Variants in LDLRAD3 observed in about 807,000 individuals in gnomAD.
LDLRAD3 encodes the protein low-density lipoprotein receptor class A domain-containing protein 3.
In LDLRAD3, 20 loss-of-function variants were observed where a neutral mutation model predicts 29.4. The observed-to-expected ratio is 0.68, with a 90% CI of 0.48 to 0.99. LDLRAD3 has a LOEUF of 0.99. Among genes scored for constraint, LDLRAD3 ranks in the 50% least tolerant of loss-of-function variants. The probability of loss-of-function intolerance (pLI) is 0.00; values close to 1 mark genes in which losing one functional copy is unlikely to be tolerated. For missense variants in LDLRAD3, 420 were observed against 454.3 expected (o/e 0.92, Z 0.69); for synonymous variants, 157 against 192.7 (o/e 0.81, Z 1.53).
chr11:36,225,483 G>A (rs944475412), intron 4 of LDLRAD3, among the ~76,000 whole-genome samples: 1 of 152,098 alleles, frequency 6.6e-6, no homozygotes, highest in Non-Finnish European at 1.5e-5. Context: ...AGGCTATTAT[G>A]ATAGCAACCT....
chr11:36,024,926 C>T (rs570073338), intron 1 of LDLRAD3, among the ~76,000 whole-genome samples: 1 of 152,348 alleles, frequency 6.6e-6, no homozygotes, highest in African/African-American at 2.4e-5. Flanking sequence ...ACTGGCTAGG[C>T]CTTGCTATTT....
chr11:36,181,254 A>G (rs1331885141), intron 4 of LDLRAD3, among the ~76,000 whole-genome samples: 1 of 151,956 alleles, frequency 6.6e-6, no homozygotes, highest in Non-Finnish European at 1.5e-5. Flanking sequence ...AAAATCTAAG[A>G]ATTACAGGAC....
At chr11:36,130,060 G>C (rs1201520215) in intron 4 of LDLRAD3, among the ~76,000 whole-genome samples, 4 of 152,198 alleles carry the variant, frequency 2.6e-5, no homozygotes, top group Non-Finnish European at 5.9e-5. Flanking sequence ...TTGTTGAATG[G>C]ATAGTAATAG....
intron 1 of LDLRAD3, among the ~76,000 whole-genome samples, chr11:35,962,652 A>C (rs1239305150): frequency 2.6e-5 from 4 of 152,188 alleles, no homozygotes; most frequent in Non-Finnish European, 5.9e-5. Flanking sequence ...CCTTTCTCTA[A>C]GCATATTTAG....
chr11:35,996,104 A>G (rs77572962), intron 1 of LDLRAD3, among the ~76,000 whole-genome samples: 2 of 152,222 alleles, frequency 1.3e-5, no homozygotes, highest in South Asian at 2.1e-4. Flanking sequence ...GTTTGGCCCA[A>G]GAGGCCTGGC....
chr11:36,117,233 AGTG>A (rs1184171370), intron 4 of LDLRAD3, among the ~76,000 whole-genome samples: 16 of 152,346 alleles, frequency 1.1e-4, no homozygotes, highest in African/African-American at 2.9e-4. Flanking sequence ...CTCTGAGATC[AGTG>A]ATCCATTCTA....
At chr11:36,054,755 T>TTGGA (rs1257356180) in intron 2 of LDLRAD3, among the ~76,000 whole-genome samples, 1 of 106,312 alleles carries the variant, frequency 9.4e-6, no homozygotes, top group Non-Finnish European at 1.9e-5. Flanking sequence ...GCATGGATGC[T>TTGGA]TGGATGGATG....
At chr11:36,168,498 CTTT>C (rs5791083) in intron 4 of LDLRAD3, among the ~76,000 whole-genome samples, 15 of 115,796 alleles carry the variant, frequency 1.3e-4, no homozygotes, top group African/African-American at 4.2e-4. Context: ...TTTCTTTCTT[CTTT>C]TTTTTTTTTT....
At chr11:36,223,781 G>A (rs1855461688) in intron 4 of LDLRAD3, among the ~76,000 whole-genome samples, 2 of 151,978 alleles carry the variant, frequency 1.3e-5, no homozygotes, top group Non-Finnish European at 2.9e-5. Context: ...CACTGGAATG[G>A]AACTCAGTCT....
chr11:36,030,408 C>G (rs539855295), intron 1 of LDLRAD3, among the ~76,000 whole-genome samples: 1 of 151,514 alleles, frequency 6.6e-6, no homozygotes, highest in South Asian at 2.1e-4. Flanking sequence ...CAGAGCCGCT[C>G]ACTCACTGGC....
At chr11:35,992,300 C>T (rs1207493647) in intron 1 of LDLRAD3, among the ~76,000 whole-genome samples, 1 of 152,206 alleles carries the variant, frequency 6.6e-6, no homozygotes, top group Non-Finnish European at 1.5e-5. Flanking sequence ...AGTGATTTAA[C>T]TATTCCTCAG....
At chr11:36,083,483 G>C (rs1008868583) in intron 3 of LDLRAD3, among the ~76,000 whole-genome samples, 1 of 152,056 alleles carries the variant, frequency 6.6e-6, no homozygotes, top group Non-Finnish European at 1.5e-5. Context: ...GGAGATACTA[G>C]ATTGCTGGAG....
At position 36,229,385 on chromosome 11, in the gene LDLRAD3, T is replaced by C. The variant is rs1855545812; in HGVS notation, c.1026T>C (p.Thr342=). 1 of 1,609,562 alleles carries C rather than the reference T, an allele frequency of 6.2e-7. No homozygotes were observed. The highest frequency in any genetic ancestry group is 8.5e-7 in the Non-Finnish European group (1 of 1,176,398). ...EPRDSEPSQG[T]EEV Reference sequence around the variant, plus strand: ...GGGACTCTGAGCCCAGCCAGGGCACTGAAGAAGTATAAGTCCCAGTTATTC... The same window carrying C: ...GGGACTCTGAGCCCAGCCAGGGCACCGAAGAAGTATAAGTCCCAGTTATTC... Residue 342 remains threonine (T), a synonymous_variant, in exon 6 of 6, where the codon ACT becomes ACC. Coordinates refer to ENST00000315571, the MANE Select transcript of LDLRAD3 (RefSeq NM_174902.4).
chr11:36,140,992 T>TTC (rs557939353), intron 4 of LDLRAD3, among the ~76,000 whole-genome samples: 5,783 of 109,888 alleles, frequency 0.053, 225 homozygotes, highest in African/African-American at 0.075. Context: ...CTGTTGAGCT[T>TTC]TCTCTCTCTC....
intron 1 of LDLRAD3, among the ~76,000 whole-genome samples, chr11:35,970,481 A>G (rs1565132631): frequency 6.6e-6 from 1 of 152,220 alleles, no homozygotes; most frequent in Non-Finnish European, 1.5e-5. Context: ...CAGAGGAAGC[A>G]TGGCCCTGCC....
intron 4 of LDLRAD3, among the ~76,000 whole-genome samples, chr11:36,128,928 TAG>T (rs140185428): frequency 0.019 from 2,863 of 151,860 alleles, 78 homozygotes; most frequent in African/African-American, 0.066. Context: ...CCAAGGTTAG[TAG>T]AGAGACACTG....
At chr11:36,051,163 TAAAG>T (rs1419856239) in intron 2 of LDLRAD3, among the ~76,000 whole-genome samples, 1 of 152,018 alleles carries the variant, frequency 6.6e-6, no homozygotes, top group Non-Finnish European at 1.5e-5. Flanking sequence ...GCCCTGAGGG[TAAAG>T]AAAGAAGAGG....
intron 1 of LDLRAD3, among the ~76,000 whole-genome samples, chr11:35,982,892 C>G (rs1035444169): frequency 8.1e-6 from 1 of 122,852 alleles, no homozygotes; most frequent in African/African-American, 3.2e-5. Flanking sequence ...CTTGCTCTGT[C>G]GTCCAAGCTG....
intron 2 of LDLRAD3, among the ~76,000 whole-genome samples, chr11:36,065,690 C>T (rs1362227355): frequency 1.3e-5 from 2 of 152,232 alleles, no homozygotes; most frequent in African/African-American, 4.8e-5. Context: ...TCCCTCTCTG[C>T]CCTGTTGACA....
Sources: allele counts gnomAD v4.1 joint callset (sites outside exome capture counted in the v4.1 genomes callset), GRCh38; gene constraint gnomAD v4.1.1; transcripts MANE v1.5; gene names NCBI Gene and HGNC (gene_info 2026-07-23, HGNC 2026-07-21).